FBXO3: variants seen among roughly 807,000 people sequenced by gnomAD.
The protein encoded by FBXO3 is F-box only protein 3.
A neutral mutation model predicts 64.8 loss-of-function variants in FBXO3; 17 were observed. The observed-to-expected ratio is 0.26, with a 90% CI of 0.18 to 0.39. The LOEUF is 0.39. Ranked by LOEUF, FBXO3 falls within the 10% of genes least tolerant of loss-of-function variation. The pLI, the probability that FBXO3 is intolerant of heterozygous loss-of-function variation, is 1.00. For synonymous variants in FBXO3, 182 were observed against 201.6 expected (o/e 0.90, Z 0.82); for missense variants, 420 against 589.9 (o/e 0.71, Z 2.98).
At chr11:33,757,014 G>A (rs1247583994) in intron 4 of FBXO3, 1 of 518,652 alleles carries the variant, frequency 1.9e-6, no homozygotes, top group Admixed American at 1.9e-5. Context: ...TCAGGTGTGA[G>A]CGACCACACC....
rs1444199936 is a variant in FBXO3 at position 33,758,512 on chromosome 11, T to G, written c.448A>C (p.Asn150His). ...CCAGGAACCACTAACTTCTGTCCAT[T>G]GTGAATTCGGTATGAACATCGATAA... Reference protein sequence around the residue: ...DDYRCSYRIHNGQKLVVPGLL... With the variant: ...DDYRCSYRIHHGQKLVVPGLL... Residue 150 changes from asparagine to histidine, a missense_variant, in exon 4 of 11, where the codon AAT (asparagine) becomes CAT (histidine). Asn to His is a moderately conservative substitution (Grantham distance 68, BLOSUM62 1). This residue lies in a region of FBXO3 where 337 missense variants were observed against 518.4 expected (regional missense o/e 0.65). Coordinates refer to ENST00000265651, the MANE Select transcript of FBXO3 (RefSeq NM_012175.4). 1.2e-6 allele frequency: 2 copies of G among 1,606,374 alleles called. No individual in the cohort carries two copies.
chr11:33,748,772 C>T lies in FBXO3; in HGVS notation c.1048+5G>A. 6.3e-7 allele frequency: 1 copy of T among 1,591,224 alleles called. No homozygotes were observed. Among genetic ancestry groups the T allele is most frequent in the Non-Finnish European group, 8.6e-7 (1 of 1,160,128 alleles). ...ATGTATAAACCTAAATCTTGGGTTC[C>T]ATACCAACTACTCCAGGTCCTTGAA... On this transcript the variant is annotated splice_donor_5th_base_variant and intron_variant, in intron 9 of 10. Coordinates refer to ENST00000265651, the MANE Select transcript of FBXO3 (RefSeq NM_012175.4).
intron 9 of FBXO3, 94 bp from the exon 10 acceptor site, chr11:33,747,414 T>C (rs1854841778): frequency 1.0e-6 from 1 of 983,242 alleles, no homozygotes; most frequent in Non-Finnish European, 1.5e-6. Context: ...ATGTAAACTA[T>C]ATAATAGTAA....
chr11:33,757,447 C>CTAA lies in FBXO3; in HGVS notation c.473+1037_473+1039dup, dbSNP rs909275862. 5.4e-3 allele frequency among the ~76,000 whole-genome samples: 740 copies of CTAA among 136,696 alleles called. 9 individuals are homozygous for CTAA. The highest frequency in any genetic ancestry group is 0.018 in the African/African-American group (662 of 36,006). The allele number at this position is 136,696 out of a possible 152,430, so 89.7% of individuals were successfully genotyped here. ...TGGGCAATATAGTAAGACCCCATCTCTAATAATAATAATAATAATAATAAA... is the reference window on the plus strand; with the variant it reads ...TGGGCAATATAGTAAGACCCCATCTCTAATAATAATAATAATAATAATAATAAA... On this transcript the variant is annotated intron_variant, in intron 4 of 10. Transcript: ENST00000265651.
intron 5 of FBXO3, among the ~76,000 whole-genome samples, chr11:33,755,269 A>G (rs1031141829): frequency 6.6e-6 from 1 of 152,228 alleles, no homozygotes; most frequent in African/African-American, 2.4e-5. Context: ...GAAATTACTG[A>G]TAACTGAAAA....
At position 33,741,840 on chromosome 11, in the gene FBXO3, T is replaced by C; in HGVS notation, c.*68A>G. ...CTATATGCAGAGAACAATTTAGTTA[T>C]TTACATTATTGAGAAATCTATTTAA... On this transcript the variant is annotated 3_prime_UTR_variant, in exon 11 of 11. Transcript: ENST00000265651. 4.9e-6 allele frequency: 7 copies of C among 1,441,712 alleles called. No individual in the cohort carries two copies. Among genetic ancestry groups the C allele is most frequent in the Non-Finnish European group, 5.5e-6 (6 of 1,086,340 alleles). 89.3% of individuals were successfully genotyped at this position (1,441,712 alleles called of 1,614,324 possible). A position where few individuals can be genotyped will look rare whatever the true frequency, so the allele number is the denominator to read the frequency against.
chr11:33,741,990 G>A lies in FBXO3; in HGVS notation c.1334C>T (p.Ser445Leu). The A allele has an allele frequency of 6.2e-7, 1 of 1,612,862 alleles. No homozygotes were observed. The highest frequency in any genetic ancestry group is 8.5e-7 in the Non-Finnish European group (1 of 1,179,004). ...TCTCTCCTCTTCATCATCTTCATCT[G>A]ATTCATCCATATCTGCTGAATCATC... ...EDDDSADMDE[S>L]DEDDEEERRR... The change falls in exon 11 of 11, where the codon TCA (serine) becomes TTA (leucine). Residue 445 changes from serine to leucine, a missense_variant. Ser to Leu is a moderately radical substitution (Grantham distance 145, BLOSUM62 -2). Coordinates refer to ENST00000265651, the MANE Select transcript of FBXO3 (RefSeq NM_012175.4).
intron 3 of FBXO3, 138 bp downstream of exon 3, chr11:33,768,713 G>T: frequency 1.0e-6 from 1 of 997,060 alleles, no homozygotes; most frequent in Non-Finnish European, 1.6e-6. Context: ...TACTTCCATG[G>T]CCAAATATGA....
At chr11:33,754,545 A>G (rs1176146366) in intron 5 of FBXO3, 45 bp from the exon 6 acceptor site, 1 of 1,515,642 alleles carries the variant, frequency 6.6e-7, no homozygotes, top group South Asian at 1.3e-5. Context: ...CATTTTACTT[A>G]ATTTTTCATT....
intron 4 of FBXO3, 40 bp downstream of exon 4, chr11:33,758,447 C>T (rs752292730): frequency 7.1e-7 from 1 of 1,400,172 alleles, no homozygotes; most frequent in South Asian, 1.3e-5. Context: ...TAAAAAATAA[C>T]TTGCATCATT....
chr11:33,771,480 T>C (rs976571420), intron 1 of FBXO3: 3 of 152,180 alleles, frequency 2.0e-5, no homozygotes, highest in African/African-American at 7.2e-5. Context: ...AACACAACAG[T>C]GTTGCAATCC....
chr11:33,774,432 G>C lies in FBXO3; in HGVS notation c.66C>G (p.Leu22=), dbSNP rs745871825. 153 of 1,604,086 alleles carry C rather than the reference G, an allele frequency of 9.5e-5. No individual in the cohort carries two copies. The highest frequency in any genetic ancestry group is 4.9e-4 in the Admixed American group (29 of 59,522). The change falls in exon 1 of 11, where the codon CTC becomes CTG. Residue 22 remains leucine, a synonymous_variant. Transcript: ENST00000265651. ...GATAGTCCAAAAAGGATAAGATGAG[G>C]AGCAGGGGATCGGTGGGCAGCGACT... ...TLESLPTDPL[L]LILSFLDYRD... is the part of the protein sequence containing the mutation.
intron 2 of FBXO3, among the ~76,000 whole-genome samples, chr11:33,770,376 T>C (rs1025881874): frequency 6.6e-6 from 1 of 152,220 alleles, no homozygotes; most frequent in African/African-American, 2.4e-5. Flanking sequence ...TCTGTCAAAT[T>C]TGTTAACATT....
chr11:33,751,392 CTTCTATTATCAACCTCAATAGAGAGG>C (rs1854952782), intron 7 of FBXO3, 105 bp downstream of exon 7: 1 of 610,166 alleles, frequency 1.6e-6, no homozygotes, highest in African/African-American at 1.9e-5. Context: ...TGAAGACAAT[CTTCTATTATCAACCTCAATAGAGAGG>C]TTCTATTATC....
intron 9 of FBXO3, among the ~76,000 whole-genome samples, chr11:33,748,118 C>A (rs1482630684): frequency 1.3e-5 from 2 of 152,084 alleles, no homozygotes; most frequent in Non-Finnish European, 2.9e-5. Context: ...TACCACTGGA[C>A]CAAATGGCAG....
chr11:33,767,055 T>C (rs1855390676), intron 3 of FBXO3, among the ~76,000 whole-genome samples: 1 of 151,742 alleles, frequency 6.6e-6, no homozygotes, highest in African/African-American at 2.4e-5. Context: ...TACATATCCT[T>C]AGTTTTATCT....
At chr11:33,751,478 C>CT in intron 7 of FBXO3, 45 bp downstream of exon 7, 1 of 1,275,422 alleles carries the variant, frequency 7.8e-7, no homozygotes, top group Non-Finnish European at 1.1e-6. Flanking sequence ...TCATTTTTCT[C>CT]TGATTTACAA....
At chr11:33,767,773 C>T (rs1855413297) in intron 3 of FBXO3, 2 of 152,190 alleles carry the variant, frequency 1.3e-5, no homozygotes, top group Admixed American at 6.5e-5. Flanking sequence ...CTTATCATCA[C>T]CAAATATCTA....
rs1854690133 is a variant in FBXO3, at chr11:33,741,696, A to C, written c.*212T>G. ...TCCACTGACTCCTGGAAGAGAAAAAAAAGATTCCCATTTCTTCCTCTACCT... is the reference window on the plus strand; with the variant it reads ...TCCACTGACTCCTGGAAGAGAAAAACAAGATTCCCATTTCTTCCTCTACCT... On this transcript the variant is annotated 3_prime_UTR_variant, in exon 11 of 11. Transcript: ENST00000265651. 5.1e-6 allele frequency: 2 copies of C among 393,286 alleles called. No homozygotes were observed. The highest frequency in any genetic ancestry group is 8.9e-6 in the Non-Finnish European group (2 of 225,780). The allele number at this position is 393,286 out of a possible 1,614,324, so 24.4% of individuals were successfully genotyped here. A position where few individuals can be genotyped will look rare whatever the true frequency, so the allele number is the denominator to read the frequency against.
Sources: allele counts gnomAD v4.1 joint callset (sites outside exome capture counted in the v4.1 genomes callset), GRCh38; gene constraint gnomAD v4.1.1; regional missense constraint gnomAD v4.1.1; transcripts MANE v1.5; gene names NCBI Gene and HGNC (gene_info 2026-07-23, HGNC 2026-07-21).